The following GPC5 variants were observed in gnomAD, a reference collection of about 807,000 sequenced individuals.
The protein encoded by GPC5 is glypican 5.
GPC5 carries 47 observed loss-of-function variants against 53.9 expected under a neutral mutation model. That is an observed-to-expected ratio of 0.87 (90% CI 0.69 to 1.11). The LOEUF is 1.11. GPC5 is among the 50% of genes most tolerant of loss of function. GPC5 has a pLI of 0.00. For synonymous variants in GPC5, 286 were observed against 263.3 expected (o/e 1.09, Z -0.84); for missense variants, 748 against 713.1 (o/e 1.05, Z -0.56).
intron 2 of GPC5, among the ~76,000 whole-genome samples, chr13:91,594,199 A>G (rs1174570053): frequency 6.6e-6 from 1 of 152,226 alleles, no homozygotes; most frequent in Non-Finnish European, 1.5e-5. Context: ...AAGAAAAAGT[A>G]CAGTTTTTTT....
rs2043496556 is a variant in GPC5 at position 92,353,324 on chromosome 13, A to ATCATAC, written c.1561+208335_1561+208336insTCATAC. On this transcript the variant is annotated intron_variant, in intron 7 of 7. Transcript: ENST00000377067. Reference sequence around the variant, plus strand: ...TGGGAGACTTGATGAAGTAACTGCCAGATAGTCATACGATGATACGAGTTT... The same window carrying ATCATAC: ...TGGGAGACTTGATGAAGTAACTGCCATCATACGATAGTCATACGATGATACGAGTTT... Among the ~76,000 whole-genome samples, 3 of 151,720 alleles carry ATCATAC rather than the reference A, an allele frequency of 2.0e-5. No homozygotes were observed. The East Asian group carries it at 5.8e-4, about 29-fold the overall frequency.
At chr13:91,498,238 G>GGT (rs1322604476) in intron 2 of GPC5, among the ~76,000 whole-genome samples, 1 of 85,128 alleles carries the variant, frequency 1.2e-5, no homozygotes, top group Non-Finnish European at 2.2e-5. Flanking sequence ...TCTACCCAAA[G>GGT]ATTTTTTTTT....
intron 7 of GPC5, among the ~76,000 whole-genome samples, chr13:92,185,341 G>C (rs537146636): frequency 6.6e-6 from 1 of 152,106 alleles, no homozygotes; most frequent in Non-Finnish European, 1.5e-5. Flanking sequence ...TATGGACATA[G>C]ATATCACTTA....
At chr13:91,724,179 A>T (rs919455954) in intron 3 of GPC5, among the ~76,000 whole-genome samples, 5 of 152,230 alleles carry the variant, frequency 3.3e-5, no homozygotes, top group African/African-American at 9.6e-5. Context: ...ATATAATGAT[A>T]TGAGTTATTT....
chr13:92,138,104 A>G (rs1421757796), intron 6 of GPC5, among the ~76,000 whole-genome samples: 2 of 152,172 alleles, frequency 1.3e-5, no homozygotes, highest in Admixed American at 6.5e-5. Context: ...TTATTAATCA[A>G]GAAAATCATC....
intron 4 of GPC5, among the ~76,000 whole-genome samples, chr13:91,753,170 G>A (rs1264545420): frequency 2.0e-5 from 3 of 152,102 alleles, no homozygotes; most frequent in African/African-American, 4.8e-5. Context: ...ATTCTGGACC[G>A]TAGAGACAGT....
At chr13:92,705,698 C>T (rs964405321) in intron 7 of GPC5, among the ~76,000 whole-genome samples, 9 of 151,916 alleles carry the variant, frequency 5.9e-5, no homozygotes, top group East Asian at 1.9e-4. Flanking sequence ...GCTCACAATA[C>T]GTCTATGTTG....
chr13:92,599,654 A>G lies in GPC5; in HGVS notation c.1562-266628A>G, dbSNP rs565750735. Among the ~76,000 whole-genome samples the G allele has an allele frequency of 3.9e-5, 6 of 152,324 alleles. No individual in the cohort carries two copies. The South Asian group carries it at 1.2e-3, about 32-fold the overall frequency. On this transcript the variant is annotated intron_variant, in intron 7 of 7. Transcript: ENST00000377067. ...TGGCCTTGCTAAACAGGATAATGGC[A>G]TGAGGATGACTCTGGCTTCCTTGCT... is the stretch of plus-strand genomic sequence containing the variant.
At chr13:92,080,109 A>G (rs188022352) in intron 6 of GPC5, among the ~76,000 whole-genome samples, 1 of 152,144 alleles carries the variant, frequency 6.6e-6, no homozygotes, top group East Asian at 1.9e-4. Flanking sequence ...TCTTTTTAAA[A>G]CCCTTTCTAA....
intron 2 of GPC5, among the ~76,000 whole-genome samples, chr13:91,554,561 C>T (rs77726124): frequency 0.021 from 3,190 of 152,138 alleles, 112 homozygotes; most frequent in African/African-American, 0.072. Context: ...CAAACGAATC[C>T]ACAGATCTGT....
chr13:91,713,144 T>C (rs973218866), intron 3 of GPC5, among the ~76,000 whole-genome samples: 1 of 152,174 alleles, frequency 6.6e-6, no homozygotes, highest in African/African-American at 2.4e-5. Context: ...TGAGCTGACA[T>C]CGTGCCACTG....
chr13:91,572,110 C>T (rs28852114), intron 2 of GPC5, among the ~76,000 whole-genome samples: 7,548 of 105,748 alleles, frequency 0.071, 480 homozygotes, highest in South Asian at 0.25. Context: ...TATATACACA[C>T]ATGTATATAT....
intron 7 of GPC5, among the ~76,000 whole-genome samples, chr13:92,489,802 T>C (rs1401962938): frequency 6.6e-6 from 1 of 151,998 alleles, no homozygotes; most frequent in East Asian, 1.9e-4. Flanking sequence ...TAAGGCTTGA[T>C]TCACCTATTC....
At chr13:92,425,428 G>A (rs1876788969) in intron 7 of GPC5, among the ~76,000 whole-genome samples, 1 of 151,780 alleles carries the variant, frequency 6.6e-6, no homozygotes, top group Non-Finnish European at 1.5e-5. Context: ...AAGTACTAAG[G>A]ACTTTTTATT....
chr13:92,523,509 C>A (rs1285568065), intron 7 of GPC5, among the ~76,000 whole-genome samples: 1 of 152,020 alleles, frequency 6.6e-6, no homozygotes, highest in Non-Finnish European at 1.5e-5. Context: ...TTTGTAAATA[C>A]ATACACAGTT....
intron 7 of GPC5, among the ~76,000 whole-genome samples, chr13:92,585,863 A>C (rs1883522164): frequency 6.6e-6 from 1 of 152,154 alleles, no homozygotes. Flanking sequence ...GCCTGCTGCC[A>C]TTCACATAAG....
Position 91,907,796 on chromosome 13 carries a change from T to C in GPC5, c.1281-141T>C, listed in dbSNP as rs201479471. On this transcript the variant is annotated intron_variant, in intron 5 of 7. Transcript: ENST00000377067. ...TTTTCCTGGAAAAACATTACAGCTG[T>C]GCCAGTTTCTGTTCCAAGAGAAAAA... The C allele has an allele frequency of 1.1e-4, 78 of 709,304 alleles. No homozygotes were observed. The East Asian group carries it at 2.3e-3, about 21-fold the overall frequency. The allele number at this position is 709,304 out of a possible 1,614,324, so 43.9% of individuals were successfully genotyped here.
At chr13:91,829,158 C>T (rs1459940303) in intron 5 of GPC5, among the ~76,000 whole-genome samples, 2 of 152,046 alleles carry the variant, frequency 1.3e-5, no homozygotes, top group Admixed American at 6.6e-5. Context: ...CTACACATGA[C>T]CTCTATGGCA....
Position 92,203,585 on chromosome 13 carries a change from T to G in GPC5, c.1561+58596T>G, listed in dbSNP as rs9560980. 7.8e-3 allele frequency among the ~76,000 whole-genome samples: 1,119 copies of G among 143,076 alleles called. 13 individuals are homozygous for G. The highest frequency in any genetic ancestry group is 0.04 in the South Asian group (181 of 4,502). The allele number at this position is 143,076 out of a possible 152,430, so 93.9% of individuals were successfully genotyped here. A position where few individuals can be genotyped will look rare whatever the true frequency, so the allele number is the denominator to read the frequency against. On this transcript the variant is annotated intron_variant, in intron 7 of 7. Transcript: ENST00000377067. The stretch of plus-strand genomic sequence containing the variant: ...CGCACCAGCATGGCACATGTATACA[T>G]ATGTAACTAACCTGCACAATGTGCA...
Sources: allele counts gnomAD v4.1 joint callset (sites outside exome capture counted in the v4.1 genomes callset), GRCh38; gene constraint gnomAD v4.1.1; transcripts MANE v1.5; gene names NCBI Gene and HGNC (gene_info 2026-07-23, HGNC 2026-07-21).